The following CDH11 variants were observed in gnomAD, a reference collection of about 807,000 sequenced individuals.
CDH11 encodes the protein cadherin-11.
A neutral mutation model predicts 67.8 loss-of-function variants in CDH11; 11 were observed. The ratio of observed to expected loss-of-function variants is 0.16; its 90% CI spans 0.10 to 0.27. The LOEUF (loss-of-function observed/expected upper bound fraction) is 0.27. CDH11 is among the 10% of genes least tolerant of loss of function. The pLI is 1.00. For missense variants in CDH11, 847 were observed against 1,031.2 expected (o/e 0.82, Z 2.45); for synonymous variants, 419 against 400.0 (o/e 1.05, Z -0.57).
intron 4 of CDH11, 61 bp downstream of exon 4, chr16:64,998,501 G>C: frequency 2.6e-6 from 4 of 1,516,642 alleles, no homozygotes; most frequent in Non-Finnish European, 3.6e-6. Flanking sequence ...ACGGGCTTCA[G>C]CCCACCCACC....
At chr16:65,011,108 T>TA (rs2073175001) in intron 2 of CDH11, among the ~76,000 whole-genome samples, 1 of 138,714 alleles carries the variant, frequency 7.2e-6, no homozygotes, top group Non-Finnish European at 1.5e-5. Context: ...TATATATATA[T>TA]ATATACATAC....
Position 64,946,300 on chromosome 16 carries a change from A to ATTAGAG in CDH11, c.*1297_*1302dup, listed in dbSNP as rs772077045. 51 of 1,045,288 alleles carry ATTAGAG rather than the reference A, an allele frequency of 4.9e-5. No individual in the cohort carries two copies. The highest frequency in any genetic ancestry group is 5.5e-5 in the Non-Finnish European group (48 of 866,620). The allele number at this position is 1,045,288 out of a possible 1,614,324, so 64.8% of individuals were successfully genotyped here. On this transcript the variant is annotated 3_prime_UTR_variant, in exon 13 of 13. Transcript: ENST00000268603. ...TCAACAGAAGAAAAAATAGAATAAC[A>ATTAGAG]TTAGAGTCTGGGCAAATTTATATTT...
intron 1 of CDH11, among the ~76,000 whole-genome samples, chr16:65,054,924 A>C (rs2142722787): frequency 6.6e-6 from 1 of 152,334 alleles, no homozygotes; most frequent in East Asian, 1.9e-4. Context: ...CCAAAACAAC[A>C]AACAAGCAAA....
chr16:64,983,968 A>C (rs2072420317), intron 7 of CDH11, among the ~76,000 whole-genome samples: 2 of 152,180 alleles, frequency 1.3e-5, no homozygotes, highest in Admixed American at 1.3e-4. Flanking sequence ...ATGCCTGAGA[A>C]CCTGGAGCTA....
In CDH11 at chr16:65,029,120, T is replaced by C. The variant is rs545308122; in HGVS notation, c.-172-24079A>G. Among the ~76,000 whole-genome samples the C allele has an allele frequency of 3.0e-3, 457 of 152,310 alleles. 1 individual carries two copies. The highest frequency in any genetic ancestry group is 0.01 in the African/African-American group (434 of 41,576). ...AACCACAATAAAATAAACTTTTTTTTAAGAAGAAAAACACTTTTTAAAAAA... is the reference window on the plus strand; with the variant it reads ...AACCACAATAAAATAAACTTTTTTTCAAGAAGAAAAACACTTTTTAAAAAA... On this transcript the variant is annotated intron_variant, in intron 2 of 12. Coordinates refer to ENST00000268603, the MANE Select transcript of CDH11 (RefSeq NM_001797.4).
At position 65,055,846 on chromosome 16, in the gene CDH11, C is replaced by T. The variant is rs181950107; in HGVS notation, c.-297-1918G>A. Among the ~76,000 whole-genome samples the T allele has an allele frequency of 5.9e-5, 9 of 152,202 alleles. No homozygotes were observed. The East Asian group carries it at 1.7e-3, about 29-fold the overall frequency. ...AAAATTCACATGTTAAAGCACTAAC[C>T]CATAATGTGATAGTATTCAGAGGTG... On this transcript the variant is annotated intron_variant, in intron 1 of 12. Transcript: ENST00000268603.
chr16:65,024,273 A>T (rs1010543344), intron 2 of CDH11, among the ~76,000 whole-genome samples: 10 of 152,232 alleles, frequency 6.6e-5, no homozygotes, highest in Non-Finnish European at 1.3e-4. Context: ...AGGAGTCAAT[A>T]GAATATAAAG....
At chr16:64,950,601 G>A (rs1235672018) in intron 12 of CDH11, among the ~76,000 whole-genome samples, 166 bp downstream of exon 12, 1 of 143,886 alleles carries the variant, frequency 6.9e-6, no homozygotes, top group Admixed American at 7.1e-5. Flanking sequence ...CCCCCACCTC[G>A]CCCCCACAAC....
chr16:64,965,241 G>T (rs868543983), intron 11 of CDH11, among the ~76,000 whole-genome samples: 1 of 150,384 alleles, frequency 6.6e-6, no homozygotes, highest in African/African-American at 2.4e-5. Flanking sequence ...AATTAGCCGG[G>T]TGTGCTGGCG....
intron 2 of CDH11, among the ~76,000 whole-genome samples, chr16:65,037,472 C>G (rs919945586): frequency 6.6e-6 from 1 of 152,134 alleles, no homozygotes; most frequent in African/African-American, 2.4e-5. Context: ...CCCCATCACC[C>G]CGACTCCTGT....
chr16:64,977,379 C>A (rs911203267), intron 8 of CDH11, among the ~76,000 whole-genome samples: 2 of 152,030 alleles, frequency 1.3e-5, no homozygotes, highest in African/African-American at 2.4e-5. Flanking sequence ...AAAACATGAC[C>A]CAAATAATCA....
chr16:65,049,472 G>T (rs969839398), intron 2 of CDH11, among the ~76,000 whole-genome samples: 1 of 151,956 alleles, frequency 6.6e-6, no homozygotes, highest in African/African-American at 2.4e-5. Context: ...TGACCCCTGC[G>T]CATAGCAGCC....
At chr16:64,985,110 G>A (rs553879328) in intron 7 of CDH11, 4 of 152,186 alleles carry the variant, frequency 2.6e-5, no homozygotes, top group South Asian at 2.1e-4. Context: ...CTAAGTCCAC[G>A]AAGCCACCTA....
chr16:65,055,642 T>C (rs951307151), intron 1 of CDH11, among the ~76,000 whole-genome samples: 2 of 152,216 alleles, frequency 1.3e-5, no homozygotes, highest in African/African-American at 4.8e-5. Flanking sequence ...AATAGTATCC[T>C]GCGTTTCACC....
At chr16:65,047,438 G>A (rs562645021) in intron 2 of CDH11, among the ~76,000 whole-genome samples, 10 of 151,378 alleles carry the variant, frequency 6.6e-5, no homozygotes, top group Non-Finnish European at 1.2e-4. Context: ...TGCAACCTCC[G>A]CCTGCTGGGT....
intron 2 of CDH11, among the ~76,000 whole-genome samples, chr16:65,052,336 A>G (rs920542602): frequency 6.6e-6 from 1 of 152,206 alleles, no homozygotes; most frequent in Non-Finnish European, 1.5e-5. Context: ...AAATCACAGT[A>G]AATGGTGTAA....
At chr16:65,029,974 C>T (rs1259091370) in intron 2 of CDH11, among the ~76,000 whole-genome samples, 1 of 152,136 alleles carries the variant, frequency 6.6e-6, no homozygotes, top group South Asian at 2.1e-4. Context: ...CCAACTCTAG[C>T]AATGCTAAGA....
intron 2 of CDH11, among the ~76,000 whole-genome samples, chr16:65,045,734 C>T (rs1416463452): frequency 6.6e-6 from 1 of 152,076 alleles, no homozygotes; most frequent in African/African-American, 2.4e-5. Context: ...GTGTTTAATG[C>T]ATGAATGAAT....
rs16968502 is a variant in CDH11 at position 65,108,726 on chromosome 16, A to G, written c.-298+13154T>C. Among the ~76,000 whole-genome samples the G allele has an allele frequency of 6.0e-3, 920 of 152,266 alleles. 25 individuals are homozygous for G. Among genetic ancestry groups the G allele is most frequent in the East Asian group, 0.046 (239 of 5,172 alleles). On this transcript the variant is annotated intron_variant, in intron 1 of 12. Coordinates refer to ENST00000268603, the MANE Select transcript of CDH11 (RefSeq NM_001797.4). ...AAACATGTGGCTTTAATGAGTAGAC[A>G]ATTGAAAGTTGATTACTAGTGATAT...
Sources: gnomAD v4.1 joint callset for allele counts (sites outside exome capture counted in the v4.1 genomes callset) on GRCh38, gnomAD v4.1.1 for gene constraint, MANE v1.5 for transcripts, NCBI Gene and HGNC (gene_info 2026-07-23, HGNC 2026-07-21) for gene names.